ZNF704: variants seen among roughly 807,000 people sequenced by gnomAD.
ZNF704 encodes zinc finger protein 704.
Under a neutral mutation model 44.7 loss-of-function variants are expected in ZNF704, and 10 were observed. The ratio of observed to expected loss-of-function variants is 0.22; its 90% CI spans 0.14 to 0.38. The LOEUF (loss-of-function observed/expected upper bound fraction) is 0.38, where lower values mean the gene tolerates loss of function less well. Ranked by LOEUF, ZNF704 falls within the 10% of genes least tolerant of loss-of-function variation. The pLI, the probability that ZNF704 is intolerant of heterozygous loss-of-function variation, is 1.00. For synonymous variants in ZNF704, 211 were observed against 207.6 expected, an observed-to-expected ratio of 1.02 and a Z score of -0.14; for missense variants, 390 against 545.5, an observed-to-expected ratio of 0.71 and a Z score of 2.84.
upstream of ZNF704, among the ~76,000 whole-genome samples, chr8:80,875,984 C>A (rs539401207): frequency 6.6e-6 from 1 of 152,340 alleles, no homozygotes; most frequent in South Asian, 2.1e-4. Flanking sequence ...TCTACCTTAT[C>A]CCTAGAGGCA....
chr8:80,646,033 T>A (rs1387210258), intron 7 of ZNF704, among the ~76,000 whole-genome samples: 1 of 152,194 alleles, frequency 6.6e-6, no homozygotes, highest in Admixed American at 6.5e-5. Flanking sequence ...TTCTGCCATG[T>A]GATGATGCAG....
chr8:80,826,735 T>C (rs922425925), intron 1 of ZNF704, among the ~76,000 whole-genome samples: 1 of 152,172 alleles, frequency 6.6e-6, no homozygotes, highest in African/African-American at 2.4e-5. Context: ...CACAAGCAAG[T>C]TGGCTTCATC....
At chr8:80,729,758 T>C (rs952481275) in intron 2 of ZNF704, among the ~76,000 whole-genome samples, 68 of 152,172 alleles carry the variant, frequency 4.5e-4, no homozygotes, top group African/African-American at 1.6e-3. Context: ...ATCAGAAACA[T>C]AGTCATGGCT....
chr8:80,855,935 T>C (rs1309032472), intron 1 of ZNF704, among the ~76,000 whole-genome samples: 1 of 152,204 alleles, frequency 6.6e-6, no homozygotes, highest in African/African-American at 2.4e-5. Flanking sequence ...TCTCATTTGG[T>C]CAGAGGTCAG....
intron 2 of ZNF704, among the ~76,000 whole-genome samples, chr8:80,770,244 G>A (rs1023610029): frequency 1.3e-5 from 2 of 152,136 alleles, no homozygotes; most frequent in African/African-American, 4.8e-5. Context: ...CCAGGATAGT[G>A]ACATTAATAT....
At chr8:80,880,102 G>T in the ZNF704 span, among the ~76,000 whole-genome samples, 4 of 152,164 alleles carry the variant, frequency 2.6e-5, no homozygotes, top group Non-Finnish European at 5.9e-5. Flanking sequence ...CTCTCTCAGA[G>T]TGTGTGTGAA....
chr8:80,735,065 T>TTCAA (rs1297670147), intron 2 of ZNF704, among the ~76,000 whole-genome samples: 1 of 152,218 alleles, frequency 6.6e-6, no homozygotes, highest in African/African-American at 2.4e-5. Flanking sequence ...CACCTTGGCC[T>TTCAA]TCAAGGCTTC....
intron 2 of ZNF704, among the ~76,000 whole-genome samples, chr8:80,805,092 C>G (rs1807967458): frequency 1.3e-5 from 2 of 152,070 alleles, no homozygotes; most frequent in Admixed American, 1.3e-4. Flanking sequence ...ATATCTTACC[C>G]CTGAAGTAGG....
chr8:80,712,190 T>C (rs1402317696), intron 2 of ZNF704, among the ~76,000 whole-genome samples: 1 of 152,134 alleles, frequency 6.6e-6, no homozygotes, highest in South Asian at 2.1e-4. Flanking sequence ...AAGGACGAGT[T>C]TGGCCCTACT....
chr8:80,743,454 C>A (rs1806796631), intron 2 of ZNF704, among the ~76,000 whole-genome samples: 1 of 152,154 alleles, frequency 6.6e-6, no homozygotes, highest in Non-Finnish European at 1.5e-5. Context: ...AACATCTCCA[C>A]ATGTAATGAT....
At chr8:80,866,941 T>G (rs955406818) in intron 1 of ZNF704, among the ~76,000 whole-genome samples, 2 of 152,110 alleles carry the variant, frequency 1.3e-5, no homozygotes, top group Non-Finnish European at 2.9e-5. Context: ...GGTAAGCAGA[T>G]TCAGGGTAGG....
intron 2 of ZNF704, among the ~76,000 whole-genome samples, chr8:80,745,508 T>C (rs970791678): frequency 5.3e-5 from 8 of 152,188 alleles, no homozygotes; most frequent in African/African-American, 1.9e-4. Flanking sequence ...CCATTATGTA[T>C]GGATAATGCC....
At chr8:80,737,368 CTG>C (rs1806684715) in intron 2 of ZNF704, among the ~76,000 whole-genome samples, 2 of 152,222 alleles carry the variant, frequency 1.3e-5, no homozygotes, top group South Asian at 4.1e-4. Flanking sequence ...ACTGACATGA[CTG>C]TTGCTAGGAG....
At chr8:80,824,684 G>T (rs1808340918) in intron 1 of ZNF704, among the ~76,000 whole-genome samples, 1 of 152,182 alleles carries the variant, frequency 6.6e-6, no homozygotes, top group African/African-American at 2.4e-5. Flanking sequence ...GAAAAGTTGG[G>T]TTACCCACAA....
chr8:80,696,907 C>T (rs1818735415), intron 2 of ZNF704, among the ~76,000 whole-genome samples: 1 of 152,176 alleles, frequency 6.6e-6, no homozygotes, highest in Non-Finnish European at 1.5e-5. Flanking sequence ...TGCATGAGGT[C>T]AGGTGTGGAC....
At chr8:80,672,956 T>G (rs1464219164) in intron 4 of ZNF704, among the ~76,000 whole-genome samples, 1 of 152,158 alleles carries the variant, frequency 6.6e-6, no homozygotes, top group Non-Finnish European at 1.5e-5. Context: ...TACGGCAATA[T>G]GCATACTCTC....
At chr8:80,828,381 A>C (rs1808415247) in intron 1 of ZNF704, among the ~76,000 whole-genome samples, 1 of 152,194 alleles carries the variant, frequency 6.6e-6, no homozygotes, top group Non-Finnish European at 1.5e-5. Context: ...GGTTTCTGTA[A>C]GGTAATTGGT....
intron 2 of ZNF704, among the ~76,000 whole-genome samples, chr8:80,791,993 A>T (rs569338498): frequency 6.9e-4 from 105 of 152,280 alleles, no homozygotes; most frequent in African/African-American, 2.4e-3. Context: ...GCCCACAAAC[A>T]TTTGCTGAAT....
At chr8:80,866,837 G>T (rs1370739) in intron 1 of ZNF704, among the ~76,000 whole-genome samples, 1 of 152,134 alleles carries the variant, frequency 6.6e-6, no homozygotes. Flanking sequence ...ATGTTGCCCA[G>T]GTTGGCCTTG....
Sources: allele counts gnomAD v4.1 joint callset (sites outside exome capture counted in the v4.1 genomes callset), GRCh38; gene constraint gnomAD v4.1.1; transcripts MANE v1.5; gene names NCBI Gene and HGNC (gene_info 2026-07-23, HGNC 2026-07-21).